Variants in ZNF493 observed in about 807,000 individuals in gnomAD.
The protein encoded by ZNF493 is zinc finger protein 493.
Under a neutral mutation model 12.2 loss-of-function variants are expected in ZNF493, and 11 were observed. The ratio of observed to expected loss-of-function variants is 0.90; its 90% confidence interval spans 0.57 to 1.50. ZNF493 has a LOEUF of 1.50. Ranked by LOEUF, ZNF493 falls within the 40% of genes most tolerant of loss-of-function variation. ZNF493 has a pLI of 0.00. For missense variants in ZNF493, 950 were observed against 906.6 expected (o/e 1.05, Z -0.61); for synonymous variants, 286 against 302.6 (o/e 0.95, Z 0.57).
chr19:21,424,211 A>T lies in ZNF493; in HGVS notation c.1552A>T (p.Lys518Ter), dbSNP rs745946774. The change falls in exon 4 of 4, where the codon AAA becomes TAA. Residue 518 changes from lysine to a stop codon, truncating the protein, a stop_gained. Coordinates refer to ENST00000392288, the MANE Select transcript of ZNF493 (RefSeq NM_001076678.3). LOFTEE classifies it low-confidence loss of function (END_TRUNC). The stretch of plus-strand genomic sequence containing the variant: ...AATTCATACTGGAGAAAAACCCTAC[A>T]AATGTGAAGAATGTGGCAAAGCTTT... ...KIIHTGEKPY[K>*]CEECGKAFKR... is the part of the protein sequence containing the mutation. The T allele has an allele frequency of 9.3e-6, 15 of 1,612,724 alleles. No individual in the cohort carries two copies. In the East Asian group the frequency reaches 3.1e-4, roughly 34 times the overall value.
At chr19:21,403,768 C>T (rs2030026563) in intron 1 of ZNF493, among the ~76,000 whole-genome samples, 1 of 119,248 alleles carries the variant, frequency 8.4e-6, no homozygotes, top group Non-Finnish European at 1.9e-5. Flanking sequence ...GTGTTTCTTT[C>T]CCCTAATGAG....
At position 21,424,072 on chromosome 19, in the gene ZNF493, A is replaced by G. The variant is rs369629944; in HGVS notation, c.1413A>G (p.Lys471=). 3.7e-6 allele frequency: 6 copies of G among 1,607,564 alleles called. No individual in the cohort carries two copies. Among genetic ancestry groups the G allele is most frequent in the Non-Finnish European group, 5.1e-6 (6 of 1,177,116 alleles). Residue 471 remains lysine (K), a synonymous_variant, in exon 4 of 4, where the codon AAA becomes AAG. Coordinates refer to ENST00000392288, the MANE Select transcript of ZNF493 (RefSeq NM_001076678.3). ...GTGAAGAATGTGGCAAAGCTTTTAAACGATCTTCAACCCTTACTAAACATA... is the reference window on the plus strand; with the variant it reads ...GTGAAGAATGTGGCAAAGCTTTTAAGCGATCTTCAACCCTTACTAAACATA... ...YKCEECGKAF[K]RSSTLTKHRI...
chr19:21,420,976 G>T (rs1021416601), intron 3 of ZNF493, among the ~76,000 whole-genome samples: 2 of 151,878 alleles, frequency 1.3e-5, no homozygotes, highest in Admixed American at 1.3e-4. Context: ...TTGAACTCCC[G>T]ACCTCAGGTT....
At chr19:21,415,839 T>C (rs899769003) in intron 3 of ZNF493, among the ~76,000 whole-genome samples, 12 of 152,196 alleles carry the variant, frequency 7.9e-5, no homozygotes, top group African/African-American at 2.4e-4. Flanking sequence ...AAAGAAACAG[T>C]CTTTTAAATC....
At chr19:21,397,373 T>C (rs1408596996) in intron 1 of ZNF493, 106 bp downstream of exon 1, 1 of 1,360,598 alleles carries the variant, frequency 7.3e-7, no homozygotes, top group East Asian at 2.3e-5. Flanking sequence ...AGCTCCACAA[T>C]CTGCTCCCTG....
intron 3 of ZNF493, among the ~76,000 whole-genome samples, chr19:21,419,095 G>A (rs1445559605): frequency 6.6e-6 from 1 of 152,178 alleles, no homozygotes; most frequent in East Asian, 1.9e-4. Flanking sequence ...GGAGGAAGAT[G>A]TGGAAGACCT....
rs2030836507 is a variant in ZNF493 at position 21,425,659 on chromosome 19, A to G, written c.*675A>G. On this transcript the variant is annotated 3_prime_UTR_variant, in exon 4 of 4. Transcript: ENST00000392288. ...AACCAATCCTCAACCCTTACTACAC[A>G]TTAGATAATTCATGCTGGAGAGAAA... 4 of 836,784 alleles carry G rather than the reference A, an allele frequency of 4.8e-6. No individual in the cohort carries two copies. In the Admixed American group the frequency reaches 7.7e-5, roughly 16 times the overall value. The allele number at this position is 836,784 out of a possible 1,614,324, so 51.8% of individuals were successfully genotyped here. A position where few individuals can be genotyped will look rare whatever the true frequency, so the allele number is the denominator to read the frequency against.
chr19:21,423,755 A>G lies in ZNF493; in HGVS notation c.1096A>G (p.Thr366Ala). 2 of 1,613,184 alleles carry G rather than the reference A, an allele frequency of 1.2e-6. No individual in the cohort carries two copies. Among genetic ancestry groups the G allele is most frequent in the African/African-American group, 1.3e-5 (1 of 74,982 alleles). ...TTATAAGGAGTCCTCACACCTTACT[A>G]CACATAAAAGAATTCATACTGGAGA... is the stretch of plus-strand genomic sequence containing the variant. Reference protein sequence around the residue: ...KAYKESSHLTTHKRIHTGEKP... With the variant: ...KAYKESSHLTAHKRIHTGEKP... Residue 366 changes from threonine (T) to alanine (A), a missense_variant, in exon 4 of 4, where the codon ACA (threonine) becomes GCA (alanine). Thr to Ala is a moderately conservative substitution (Grantham distance 58). Coordinates refer to ENST00000392288, the MANE Select transcript of ZNF493 (RefSeq NM_001076678.3).
Position 21,397,179 on chromosome 19 carries a change from C to G in ZNF493, c.-59C>G. On this transcript the variant is annotated 5_prime_UTR_variant, in exon 1 of 4. Transcript: ENST00000392288. Reference sequence around the variant, plus strand: ...AGCTCCAGGTCTACCCTTCACTGCTCTGTGTCCTCAGCGTGTGTGGCTTCG... The same window carrying G: ...AGCTCCAGGTCTACCCTTCACTGCTGTGTGTCCTCAGCGTGTGTGGCTTCG... 6 of 1,604,642 alleles carry G rather than the reference C, an allele frequency of 3.7e-6. No individual in the cohort carries two copies. The highest frequency in any genetic ancestry group is 1.3e-5 in the African/African-American group (1 of 74,916).
intron 3 of ZNF493, among the ~76,000 whole-genome samples, chr19:21,406,294 G>A (rs1281686236): frequency 6.6e-6 from 1 of 151,592 alleles, no homozygotes; most frequent in African/African-American, 2.4e-5. Flanking sequence ...TGCTGATTTG[G>A]GAAGCTATGT....
chr19:21,397,385 G>A (rs1335463979), intron 1 of ZNF493, 118 bp downstream of exon 1: 1 of 1,288,200 alleles, frequency 7.8e-7, no homozygotes, highest in East Asian at 2.3e-5. Context: ...TGCTCCCTGA[G>A]TTCTCCTTGC....
In ZNF493 at chr19:21,423,920, A is replaced by G. The variant is rs1370739321; in HGVS notation, c.1261A>G (p.Thr421Ala). The G allele has an allele frequency of 4.3e-6, 7 of 1,613,458 alleles. No homozygotes were observed. The highest frequency in any genetic ancestry group is 8.5e-7 in the Non-Finnish European group (1 of 1,179,602). Residue 421 changes from threonine (T) to alanine (A), a missense_variant, in exon 4 of 4, where the codon ACT (threonine) becomes GCT (alanine). By Grantham distance (58) the Thr-to-Ala change is moderately conservative. Transcript: ENST00000392288. ...GKAYKESSHL[T>A]THKRIHTGEK... ...AGCTTATAAGGAGTCTTCACACCTT[A>G]CTACACATAAAAGAATTCATACTGG...
chr19:21,426,105 A>G lies in ZNF493; in HGVS notation c.*1121A>G, dbSNP rs1478192650. On this transcript the variant is annotated 3_prime_UTR_variant, in exon 4 of 4. Transcript: ENST00000392288. ...ATTCTTACTGCAGAGAAACTCTACA[A>G]ACCAGTAAGATGTGACAGTGCTTCT... 3.4e-6 allele frequency: 1 copy of G among 294,616 alleles called. No homozygotes were observed. The highest frequency in any genetic ancestry group is 7.1e-6 in the Non-Finnish European group (1 of 140,578). The allele number at this position is 294,616 out of a possible 1,614,324, so 18.3% of individuals were successfully genotyped here.
chr19:21,416,568 T>C (rs1568381263), intron 3 of ZNF493, among the ~76,000 whole-genome samples: 1 of 152,208 alleles, frequency 6.6e-6, no homozygotes. Flanking sequence ...CTCCTGTATC[T>C]ACCAAACCTT....
intron 3 of ZNF493, 32 bp downstream of exon 3, chr19:21,405,888 G>C: frequency 2.8e-6 from 1 of 351,792 alleles, no homozygotes; most frequent in Non-Finnish European, 5.3e-6. Flanking sequence ...AGTTGACATA[G>C]ATGAAAGGTT....
Position 21,426,111 on chromosome 19 carries a change from T to A in ZNF493, c.*1127T>A. 1 of 281,440 alleles carries A rather than the reference T, an allele frequency of 3.6e-6. No homozygotes were observed. Among genetic ancestry groups the A allele is most frequent in the South Asian group, 4.3e-5 (1 of 23,492 alleles). 17.4% of individuals were successfully genotyped at this position (281,440 alleles called of 1,614,324 possible). A position where few individuals can be genotyped will look rare whatever the true frequency, so the allele number is the denominator to read the frequency against. The stretch of plus-strand genomic sequence containing the variant: ...ACTGCAGAGAAACTCTACAAACCAG[T>A]AAGATGTGACAGTGCTTCTGACAAC... On this transcript the variant is annotated 3_prime_UTR_variant, in exon 4 of 4. Coordinates refer to ENST00000392288, the MANE Select transcript of ZNF493 (RefSeq NM_001076678.3).
At chr19:21,420,337 C>G (rs1967182) in intron 3 of ZNF493, among the ~76,000 whole-genome samples, 25,938 of 151,030 alleles carry the variant, frequency 0.17, 2,511 homozygotes, top group Non-Finnish European at 0.22. Context: ...TTTTGTGTAT[C>G]TATATAGATG....
rs992966485 is a variant in ZNF493, at chr19:21,397,628, C to G, written c.30+361C>G. The G allele has an allele frequency of 6.4e-5, 31 of 484,996 alleles. No homozygotes were observed. The East Asian group carries it at 9.9e-4, about 16-fold the overall frequency. The allele number at this position is 484,996 out of a possible 1,614,324, so 30.0% of individuals were successfully genotyped here. A position where few individuals can be genotyped will look rare whatever the true frequency, so the allele number is the denominator to read the frequency against. On this transcript the variant is annotated intron_variant, in intron 1 of 3. Transcript: ENST00000392288. ...TTCATGAATGGGAAGAGCTTTGGTC[C>G]GTGGGGTTCCCAGTTGCTATTTTCT...
chr19:21,398,467 G>T, intron 1 of ZNF493: 1 of 206,572 alleles, frequency 4.8e-6, no homozygotes. Context: ...GAAAATCTAT[G>T]GGGTGATGTG....
Sources: gnomAD v4.1 joint callset for allele counts (sites outside exome capture counted in the v4.1 genomes callset) on GRCh38, gnomAD v4.1.1 for gene constraint, MANE v1.5 for transcripts, NCBI Gene and HGNC (gene_info 2026-07-23, HGNC 2026-07-21) for gene names.